Variants in RNLS observed in about 807,000 individuals in gnomAD.
The protein encoded by RNLS is renalase.
RNLS carries 39 observed loss-of-function variants against 39.8 expected under a neutral mutation model. The observed-to-expected ratio is 0.98, with a 90% CI of 0.76 to 1.28. RNLS has a LOEUF of 1.28. Among genes scored for constraint, RNLS ranks in the 50% most tolerant of loss-of-function variants. RNLS has a pLI of 0.00. For missense variants in RNLS, 410 were observed against 413.3 expected (o/e 0.99, Z 0.07); for synonymous variants, 147 against 150.7 (o/e 0.98, Z 0.18).
chr10:88,419,983 C>T (rs965818090), intron 4 of RNLS, among the ~76,000 whole-genome samples: 3 of 150,942 alleles, frequency 2.0e-5, no homozygotes, highest in Non-Finnish European at 2.9e-5. Context: ...GCACTCCAGC[C>T]TGGGCAACAA....
At chr10:88,255,452 G>C in the RNLS span, among the ~76,000 whole-genome samples, 1 of 152,190 alleles carries the variant, frequency 6.6e-6, no homozygotes, top group Non-Finnish European at 1.5e-5. Context: ...CATCAGAGTA[G>C]AGGCACACAC....
At chr10:88,269,152 G>A (rs1842579809), downstream of RNLS, among the ~76,000 whole-genome samples, 1 of 152,176 alleles carries the variant, frequency 6.6e-6, no homozygotes, top group African/African-American at 2.4e-5. Context: ...AATGCAAAAT[G>A]CAGGTGCATC....
chr10:88,296,380 A>C (rs1204318672), intron 6 of RNLS, among the ~76,000 whole-genome samples: 1 of 151,896 alleles, frequency 6.6e-6, no homozygotes, highest in Admixed American at 6.6e-5. Context: ...TGCAGACTCG[A>C]TTTTTCTGCA....
chr10:88,272,493 G>A (rs1842676811), downstream of RNLS, among the ~76,000 whole-genome samples: 1 of 152,048 alleles, frequency 6.6e-6, no homozygotes, highest in African/African-American at 2.4e-5. Flanking sequence ...CCCTCTCCAG[G>A]GATTCTAATT....
chr10:88,399,457 G>A (rs1458157359), intron 4 of RNLS, among the ~76,000 whole-genome samples: 1 of 151,996 alleles, frequency 6.6e-6, no homozygotes, highest in Non-Finnish European at 1.5e-5. Flanking sequence ...GCAGTCAGAA[G>A]AAGCAATGAA....
chr10:88,361,655 A>C (rs1317536493), intron 5 of RNLS, among the ~76,000 whole-genome samples: 1 of 152,184 alleles, frequency 6.6e-6, no homozygotes, highest in Non-Finnish European at 1.5e-5. Context: ...TGATATAAAA[A>C]CCATACTCCA....
intron 4 of RNLS, chr10:88,545,464 C>T: frequency 2.2e-6 from 1 of 456,138 alleles, no homozygotes; most frequent in Non-Finnish European, 4.4e-6. Context: ...TACGTGGTGG[C>T]AGGCAAGACA....
At chr10:88,311,977 G>A (rs1589522682) in intron 6 of RNLS, among the ~76,000 whole-genome samples, 2 of 152,146 alleles carry the variant, frequency 1.3e-5, no homozygotes, top group East Asian at 1.9e-4. Flanking sequence ...TCTCTCCAGA[G>A]GTTTTATGAG....
Position 88,362,631 on chromosome 10 carries a change from A to T in RNLS, c.621T>A (p.Asp207Glu), listed in dbSNP as rs116376263. ...TGATGTACTGCCCAGCCCAAGGGAC[A>T]TCAATCTTCGTACCAGCTTCATAAA... is the stretch of plus-strand genomic sequence containing the variant. ...GLFYEAGTKI[D>E]VPWAGQYITS... Residue 207 changes from aspartate (D) to glutamate (E), a missense_variant, in exon 5 of 7, where the codon GAT becomes GAA. Coordinates refer to ENST00000331772, the MANE Select transcript of RNLS (RefSeq NM_001031709.3). 1.0e-3 allele frequency: 1,613 copies of T among 1,613,986 alleles called. 15 individuals are homozygous for T. The African/African-American group carries it at 0.02, about 20-fold the overall frequency.
At chr10:88,201,207 G>A in the RNLS span, among the ~76,000 whole-genome samples, 12 of 152,076 alleles carry the variant, frequency 7.9e-5, no homozygotes, top group Non-Finnish European at 1.5e-4. Context: ...AATTATGTTC[G>A]AAGATAATTT....
At chr10:88,174,471 G>T in the RNLS span, among the ~76,000 whole-genome samples, 1,669 of 152,162 alleles carry the variant, frequency 0.011, 32 homozygotes, top group African/African-American at 0.038. Context: ...ATCATGAAGG[G>T]ATGTTGAATT....
intron 2 of RNLS, 58 bp from the exon 3 acceptor site, chr10:88,581,767 G>A: frequency 8.8e-7 from 1 of 1,138,482 alleles, no homozygotes; most frequent in Non-Finnish European, 1.2e-6. Context: ...AGCTCTAAAA[G>A]ACTATATTTT....
chr10:88,570,253 T>C lies in RNLS; in HGVS notation c.526+2650A>G, dbSNP rs115029575. On this transcript the variant is annotated intron_variant, in intron 4 of 6. Coordinates refer to ENST00000331772, the MANE Select transcript of RNLS (RefSeq NM_001031709.3). ...AAAAAGCATTAAAAAATAAGGTCCA[T>C]TGTCAATATAGAGTTTTTCTTTCTT... Among the ~76,000 whole-genome samples the C allele has an allele frequency of 5.9e-3, 902 of 152,266 alleles. 9 individuals carry two copies. The highest frequency in any genetic ancestry group is 0.021 in the African/African-American group (866 of 41,576).
At chr10:88,437,893 G>A (rs969016598) in intron 4 of RNLS, among the ~76,000 whole-genome samples, 3 of 152,046 alleles carry the variant, frequency 2.0e-5, no homozygotes, top group African/African-American at 7.2e-5. Context: ...TTGGGAGGCC[G>A]AGGTGGGCAG....
chr10:88,180,939 C>G, the RNLS span, among the ~76,000 whole-genome samples: 38 of 152,088 alleles, frequency 2.5e-4, no homozygotes, highest in Non-Finnish European at 4.7e-4. Context: ...TACTTATATT[C>G]CATTTAAGTT....
At chr10:88,234,810 A>G in the RNLS span, among the ~76,000 whole-genome samples, 2 of 152,254 alleles carry the variant, frequency 1.3e-5, no homozygotes, top group Non-Finnish European at 2.9e-5. Context: ...TGCTCAAGAC[A>G]GCAAGAAAAT....
At chr10:88,354,161 CTT>C (rs1356998844) in intron 5 of RNLS, among the ~76,000 whole-genome samples, 2 of 152,152 alleles carry the variant, frequency 1.3e-5, no homozygotes, top group African/African-American at 2.4e-5. Context: ...GGTCTTGACT[CTT>C]TATCCAATTT....
chr10:88,405,542 G>A (rs772791111), intron 4 of RNLS, among the ~76,000 whole-genome samples: 9 of 152,034 alleles, frequency 5.9e-5, no homozygotes, highest in South Asian at 4.1e-4. Context: ...GTGTCCTTTC[G>A]CATGAAATGT....
rs530991593 is a variant in RNLS, at chr10:88,451,373, G to A, written c.527-88648C>T. On this transcript the variant is annotated intron_variant, in intron 4 of 6. Coordinates refer to ENST00000331772, the MANE Select transcript of RNLS (RefSeq NM_001031709.3). ...GGTTTGGCTGCCCCATCCCCTGTGA[G>A]AGAAGCCCCCACCGCATGGGGCTTT... is the stretch of plus-strand genomic sequence containing the variant. Among the ~76,000 whole-genome samples the A allele has an allele frequency of 2.0e-5, 3 of 152,268 alleles. No homozygotes were observed. In the South Asian group the frequency reaches 6.2e-4, roughly 32 times the overall value.
Sources: gnomAD v4.1 joint callset for allele counts (sites outside exome capture counted in the v4.1 genomes callset) on GRCh38, gnomAD v4.1.1 for gene constraint, MANE v1.5 for transcripts, NCBI Gene and HGNC (gene_info 2026-07-23, HGNC 2026-07-21) for gene names.